The following ZNF705G variants were observed in gnomAD, a reference collection of about 807,000 sequenced individuals.
ZNF705G encodes zinc finger protein 705G.
ZNF705G carries 23 observed loss-of-function variants against 19.6 expected under a neutral mutation model. The observed-to-expected ratio is 1.17, with a 90% confidence interval of 0.84 to 1.66. The LOEUF (loss-of-function observed/expected upper bound fraction) is 1.66, where lower values mean the gene tolerates loss of function less well. ZNF705G is among the 40% of genes most tolerant of loss of function. The pLI is 0.00. For missense variants in ZNF705G, 457 were observed against 354.4 expected (o/e 1.29, Z -2.32); for synonymous variants, 146 against 117.7 (o/e 1.24, Z -1.56).
chr8:7,384,636 C>T (rs1226332096), intron 1 of ZNF705G, among the ~76,000 whole-genome samples: 2 of 145,082 alleles, frequency 1.4e-5, no homozygotes, highest in Admixed American at 6.6e-5. Context: ...GACAACTTTG[C>T]CTTTTAGGGC....
At chr8:7,362,276 G>T (rs1320550343) in intron 3 of ZNF705G, among the ~76,000 whole-genome samples, 2 of 149,708 alleles carry the variant, frequency 1.3e-5, no homozygotes, top group Non-Finnish European at 2.9e-5. Flanking sequence ...AGGCAAAAAG[G>T]TTAATTACCA....
rs1806475847 is a variant in ZNF705G, at chr8:7,359,608, A to G, written c.318+11T>C. 7 of 1,606,160 alleles carry G rather than the reference A, an allele frequency of 4.4e-6. No homozygotes were observed. Among genetic ancestry groups the G allele is most frequent in the East Asian group, 2.2e-5 (1 of 44,824 alleles). On this transcript the variant is annotated intron_variant, in intron 6 of 6. Coordinates refer to ENST00000400156, the MANE Select transcript of ZNF705G (RefSeq NM_001164457.3). ...ACTTAGATGACTGGTGTACACAGCT[A>G]TAAAACTTACCATTGTCATACTGGT...
At chr8:7,359,488 A>AT (rs58990182) in intron 6 of ZNF705G, 131 bp downstream of exon 6, 37,866 of 1,284,626 alleles carry the variant, frequency 0.029, 20 homozygotes, top group East Asian at 0.051. Context: ...AAAGTATCCA[A>AT]TTTTTTTTTT....
At chr8:7,358,689 G>C in intron 6 of ZNF705G, 129 bp from the exon 7 acceptor site, 2 of 1,457,272 alleles carry the variant, frequency 1.4e-6, no homozygotes, top group Non-Finnish European at 1.8e-6. Context: ...AATGTTTCTT[G>C]TGTGAAAGGA....
Position 7,369,762 on chromosome 8 carries a change from C to G in ZNF705G, c.-71-6745G>C, listed in dbSNP as rs1807013597. Among the ~76,000 whole-genome samples the G allele has an allele frequency of 2.0e-5, 3 of 149,108 alleles. No individual in the cohort carries two copies. In the South Asian group the frequency reaches 6.3e-4, roughly 31 times the overall value. On this transcript the variant is annotated intron_variant, in intron 2 of 6. Transcript: ENST00000400156. ...GCACCAACATGGATGCAGCTGGAGG[C>G]CATTATTCTAAAATAATGCAGGAAG...
intron 4 of ZNF705G, 40 bp downstream of exon 4, chr8:7,361,070 A>C: frequency 6.3e-7 from 1 of 1,592,776 alleles, no homozygotes; most frequent in Non-Finnish European, 8.5e-7. Flanking sequence ...GAATGAGTGA[A>C]TGTGTCTCTA....
At position 7,360,147 on chromosome 8, in the gene ZNF705G, C is replaced by T. The variant is rs1806506187; in HGVS notation, c.235+90G>A. ...AACCTACATTTTAGAAATTATCACTCATTTAATAAAACCACTAATTAATAT... is the reference window on the plus strand; with the variant it reads ...AACCTACATTTTAGAAATTATCACTTATTTAATAAAACCACTAATTAATAT... On this transcript the variant is annotated intron_variant, in intron 5 of 6. Coordinates refer to ENST00000400156, the MANE Select transcript of ZNF705G (RefSeq NM_001164457.3). 5.7e-6 allele frequency: 8 copies of T among 1,392,256 alleles called. 1 individual carries two copies. The South Asian group carries it at 8.7e-5, about 15-fold the overall frequency. The allele number at this position is 1,392,256 out of a possible 1,614,324, so 86.2% of individuals were successfully genotyped here. A position where few individuals can be genotyped will look rare whatever the true frequency, so the allele number is the denominator to read the frequency against.
chr8:7,383,740 G>C (rs768525382), intron 1 of ZNF705G, among the ~76,000 whole-genome samples: 1 of 149,452 alleles, frequency 6.7e-6, no homozygotes, highest in Non-Finnish European at 1.5e-5. Context: ...GAGCTCGTTT[G>C]TACCTTTCAC....
Position 7,356,064 on chromosome 8 carries a change from C to T in ZNF705G, c.*1912G>A, listed in dbSNP as rs1442991300. On this transcript the variant is annotated 3_prime_UTR_variant, in exon 7 of 7. Transcript: ENST00000400156. ...GTCATCCCACTTAATATTCAGGAAA[C>T]ATTTTCTCTTCAGTTTTAGGTTCAG... 4.0e-5 allele frequency: 6 copies of T among 149,430 alleles called. No homozygotes were observed. The highest frequency in any genetic ancestry group is 7.4e-5 in the Non-Finnish European group (5 of 68,020). 9.3% of individuals were successfully genotyped at this position (149,430 alleles called of 1,614,324 possible).
In ZNF705G at chr8:7,357,539, T is replaced by C; in HGVS notation, c.*437A>G. The stretch of plus-strand genomic sequence containing the variant: ...TCTCTACCTGAAAGTCCCACATGTT[T>C]TAAGTTATAGCTGTTGCTGAAGACT... On this transcript the variant is annotated 3_prime_UTR_variant, in exon 7 of 7. Coordinates refer to ENST00000400156, the MANE Select transcript of ZNF705G (RefSeq NM_001164457.3). 4.7e-6 allele frequency: 1 copy of C among 213,636 alleles called. No homozygotes were observed. The highest frequency in any genetic ancestry group is 9.0e-6 in the Non-Finnish European group (1 of 110,508). The allele number at this position is 213,636 out of a possible 1,614,324, so 13.2% of individuals were successfully genotyped here.
Position 7,361,117 on chromosome 8 carries a change from C to T in ZNF705G, c.132G>A (p.Val44=). The change falls in exon 4 of 7, where the codon GTG becomes GTA. Residue 44 remains valine (V), a synonymous_variant. Coordinates refer to ENST00000400156, the MANE Select transcript of ZNF705G (RefSeq NM_001164457.3). ...GAATGTTCAGGGACTCACCGAGGGA[C>T]ACCAGGTGACTGATATTTTCCAGCA... ...DVMLENISHL[V]SLGYQISKSY... 6.3e-7 allele frequency: 1 copy of T among 1,592,692 alleles called. No homozygotes were observed. Among genetic ancestry groups the T allele is most frequent in the Non-Finnish European group, 8.5e-7 (1 of 1,179,436 alleles).
intron 1 of ZNF705G, among the ~76,000 whole-genome samples, chr8:7,382,918 T>C (rs1381813473): frequency 1.4e-5 from 2 of 147,154 alleles, no homozygotes; most frequent in African/African-American, 5.5e-5. Flanking sequence ...ACCTAATAGG[T>C]AGTTTTGTAT....
intron 2 of ZNF705G, among the ~76,000 whole-genome samples, chr8:7,365,310 T>C (rs1202281324): frequency 6.7e-6 from 1 of 149,292 alleles, no homozygotes; most frequent in African/African-American, 2.6e-5. Context: ...TAACAACTTA[T>C]GTATTTGGTG....
chr8:7,359,566 C>G lies in ZNF705G; in HGVS notation c.318+53G>C, dbSNP rs1341852426. The G allele has an allele frequency of 4.4e-6, 7 of 1,600,018 alleles. 1 individual carries two copies. The highest frequency in any genetic ancestry group is 5.9e-6 in the Non-Finnish European group (7 of 1,176,782). ...GATTGTGCTTCATTACTAACTTAATCCATTAACATGTCTTTAACTTAGATG... is the reference window on the plus strand; with the variant it reads ...GATTGTGCTTCATTACTAACTTAATGCATTAACATGTCTTTAACTTAGATG... On this transcript the variant is annotated intron_variant, in intron 6 of 6. Transcript: ENST00000400156.
rs1806403661 is a variant in ZNF705G at position 7,358,545 on chromosome 8, G to A, written c.334C>T (p.Leu112=). 4 of 1,607,506 alleles carry A rather than the reference G, an allele frequency of 2.5e-6. 1 individual carries two copies. The highest frequency in any genetic ancestry group is 2.8e-5 in the African/African-American group (2 of 71,240). Residue 112 remains leucine, a synonymous_variant, in exon 7 of 7, where the codon CTG becomes TTG. Coordinates refer to ENST00000400156, the MANE Select transcript of ZNF705G (RefSeq NM_001164457.3). ...TSMTMENSLI[L]EDPFECNDSG... ...TCATTACATTCAAAAGGATCCTCCAGAATGAGAGAGTTCTCCTTTGGGGCA... is the reference window on the plus strand; with the variant it reads ...TCATTACATTCAAAAGGATCCTCCAAAATGAGAGAGTTCTCCTTTGGGGCA...
In ZNF705G at chr8:7,381,026, C is replaced by CAAAAAAAA. The variant is rs1410321278; in HGVS notation, c.-72+418_-72+425dup. ...GCTAGACTCTGTCTCAAACCACCAC[C>CAAAAAAAA]AAAAAAAAAAAAAAAAAAAAAAAAA... On this transcript the variant is annotated intron_variant, in intron 2 of 6. Transcript: ENST00000400156. Among the ~76,000 whole-genome samples, 12 of 12,308 alleles carry CAAAAAAAA rather than the reference C, an allele frequency of 9.7e-4. 4 individuals are homozygous for CAAAAAAAA. The highest frequency in any genetic ancestry group is 1.3e-3 in the Non-Finnish European group (11 of 8,654). The allele number at this position is 12,308 out of a possible 152,430, so 8.1% of individuals were successfully genotyped here. A position where few individuals can be genotyped will look rare whatever the true frequency, so the allele number is the denominator to read the frequency against.
intron 2 of ZNF705G, among the ~76,000 whole-genome samples, chr8:7,371,159 G>C (rs1223249001): frequency 9.3e-5 from 13 of 139,482 alleles, no homozygotes; most frequent in Non-Finnish European, 6.1e-5. Context: ...CCTGTCATTT[G>C]TGACAACATG....
chr8:7,356,414 G>A lies in ZNF705G; in HGVS notation c.*1562C>T, dbSNP rs118070999. 0.027 allele frequency: 4,002 copies of A among 149,440 alleles called. 109 individuals are homozygous for A. The highest frequency in any genetic ancestry group is 0.097 in the Middle Eastern group (28 of 288). The allele number at this position is 149,440 out of a possible 1,614,324, so 9.3% of individuals were successfully genotyped here. ...AATTTCAAGAGTCTTCTGAGGGATA[G>A]AAGAGAAGAGCTGCCTTATTCTCTG... is the stretch of plus-strand genomic sequence containing the variant. On this transcript the variant is annotated 3_prime_UTR_variant, in exon 7 of 7. Transcript: ENST00000400156.
chr8:7,359,557 T>G, intron 6 of ZNF705G, 62 bp downstream of exon 6: 2 of 1,597,018 alleles, frequency 1.3e-6, no homozygotes, highest in Non-Finnish European at 1.7e-6. Flanking sequence ...GCTTCATTAC[T>G]AACTTAATCC....
Sources: allele counts gnomAD v4.1 joint callset (sites outside exome capture counted in the v4.1 genomes callset), GRCh38; gene constraint gnomAD v4.1.1; transcripts MANE v1.5; gene names NCBI Gene and HGNC (gene_info 2026-07-23, HGNC 2026-07-21).